The following ZSWIM5 variants were observed in gnomAD, a reference collection of about 807,000 sequenced individuals.
ZSWIM5 encodes zinc finger SWIM domain-containing protein 5.
In ZSWIM5, 55 loss-of-function variants were observed where a neutral mutation model predicts 119.6. The observed-to-expected ratio is 0.46, with a 90% CI of 0.37 to 0.58. The LOEUF (loss-of-function observed/expected upper bound fraction) is 0.58. ZSWIM5 is among the 20% of genes least tolerant of loss of function. The pLI is 0.00. For synonymous variants in ZSWIM5, 537 were observed against 606.9 expected (o/e 0.88, Z 1.69); for missense variants, 1,193 against 1,512.8 (o/e 0.79, Z 3.51).
At chr1:45,194,394 G>T (rs947761212) in intron 1 of ZSWIM5, among the ~76,000 whole-genome samples, 18 of 152,086 alleles carry the variant, frequency 1.2e-4, no homozygotes, top group Non-Finnish European at 2.4e-4. Flanking sequence ...AACAAAAAAG[G>T]TAAGGATTAT....
chr1:45,114,462 G>A (rs7550194), intron 1 of ZSWIM5, among the ~76,000 whole-genome samples: 3,126 of 152,180 alleles, frequency 0.021, 114 homozygotes, highest in African/African-American at 0.072. Flanking sequence ...TTTAATAACA[G>A]AGCTTCAAAA....
chr1:45,173,556 C>G (rs1301118843), intron 1 of ZSWIM5, among the ~76,000 whole-genome samples: 1 of 151,964 alleles, frequency 6.6e-6, no homozygotes, highest in African/African-American at 2.4e-5. Flanking sequence ...CATAACTGAA[C>G]AGTGATTAAG....
intron 11 of ZSWIM5, among the ~76,000 whole-genome samples, chr1:45,028,584 C>G (rs895673868): frequency 2.6e-5 from 4 of 151,834 alleles, no homozygotes; most frequent in African/African-American, 9.7e-5. Flanking sequence ...GGCAAAACCC[C>G]ATCTCTACTA....
At position 45,035,794 on chromosome 1, in the gene ZSWIM5, T is replaced by C; in HGVS notation, c.2185A>G (p.Ile729Val). 1 of 1,613,452 alleles carries C rather than the reference T, an allele frequency of 6.2e-7. No homozygotes were observed. The highest frequency in any genetic ancestry group is 8.5e-7 in the Non-Finnish European group (1 of 1,179,916). ...TGCATGGGAACACTCTCTCGGTGGA[T>C]GACTTCTCCCAGACCGCTGAAAGGA... ...GGPFSGLGEV[I>V]HRESVPMHTF... The change falls in exon 10 of 14, where the codon ATC (isoleucine) becomes GTC (valine). Residue 729 changes from isoleucine (I) to valine (V), a missense_variant. By Grantham distance (29) the Ile-to-Val change is conservative (BLOSUM62 3). Transcript: ENST00000359600.
chr1:45,040,840 G>A (rs190799128), intron 6 of ZSWIM5, among the ~76,000 whole-genome samples: 197 of 152,246 alleles, frequency 1.3e-3, no homozygotes, highest in Non-Finnish European at 2.3e-3. Flanking sequence ...AACCAATGGA[G>A]GTAGCAACTA....
chr1:45,084,307 A>C (rs929779581), intron 2 of ZSWIM5, among the ~76,000 whole-genome samples: 1 of 152,158 alleles, frequency 6.6e-6, no homozygotes, highest in South Asian at 2.1e-4. Flanking sequence ...ACCTCCCATC[A>C]GGCCCTTCTC....
intron 1 of ZSWIM5, among the ~76,000 whole-genome samples, chr1:45,168,993 AAAGT>A (rs1348494078): frequency 6.6e-6 from 1 of 152,114 alleles, no homozygotes; most frequent in Non-Finnish European, 1.5e-5. Flanking sequence ...TCTGCTTTAC[AAAGT>A]AATACCCAAA....
At chr1:45,126,443 A>G (rs1645622621) in intron 1 of ZSWIM5, among the ~76,000 whole-genome samples, 2 of 152,172 alleles carry the variant, frequency 1.3e-5, no homozygotes, top group African/African-American at 4.8e-5. Context: ...AAAAGAAAAA[A>G]AACCAATTCC....
At chr1:45,050,939 A>G in intron 5 of ZSWIM5, 135 bp downstream of exon 5, 1 of 881,638 alleles carries the variant, frequency 1.1e-6, no homozygotes, top group East Asian at 2.7e-5. Flanking sequence ...CAAGATGAAT[A>G]AAAACACAGG....
At chr1:45,034,645 T>A (rs187806580) in intron 10 of ZSWIM5, among the ~76,000 whole-genome samples, 176 bp from the exon 11 acceptor site, 79 of 152,304 alleles carry the variant, frequency 5.2e-4, no homozygotes, top group African/African-American at 1.7e-3. Context: ...GCCTGGGCAC[T>A]TAAGAGTACT....
At chr1:45,066,210 G>A (rs1645182817) in intron 2 of ZSWIM5, among the ~76,000 whole-genome samples, 1 of 151,428 alleles carries the variant, frequency 6.6e-6, no homozygotes, top group Non-Finnish European at 1.5e-5. Context: ...TTTTATGGCT[G>A]TATAGTATTC....
chr1:45,121,226 C>T (rs901996478), intron 1 of ZSWIM5, among the ~76,000 whole-genome samples: 1 of 152,250 alleles, frequency 6.6e-6, no homozygotes, highest in Non-Finnish European at 1.5e-5. Flanking sequence ...GTTCGGATTA[C>T]AGGCGTGAGC....
chr1:45,192,595 T>A (rs1010531752), intron 1 of ZSWIM5, among the ~76,000 whole-genome samples: 6 of 152,212 alleles, frequency 3.9e-5, no homozygotes, highest in African/African-American at 1.4e-4. Context: ...TTCTGCCTAT[T>A]GTGAATAATG....
At chr1:45,183,351 G>A (rs1174383014) in intron 1 of ZSWIM5, among the ~76,000 whole-genome samples, 1 of 151,654 alleles carries the variant, frequency 6.6e-6, no homozygotes, top group African/African-American at 2.4e-5. Flanking sequence ...AGAAAAGCAA[G>A]AGCAAACACA....
intron 7 of ZSWIM5, among the ~76,000 whole-genome samples, chr1:45,039,343 T>G (rs1299656505): frequency 1.3e-5 from 2 of 152,238 alleles, no homozygotes; most frequent in Non-Finnish European, 2.9e-5. Flanking sequence ...GTCTTCTGAA[T>G]AGTTGGGACT....
chr1:45,070,320 A>T, intron 2 of ZSWIM5: 1 of 1,418,344 alleles, frequency 7.1e-7, no homozygotes, highest in Non-Finnish European at 1.0e-6. Context: ...AGACGCCACC[A>T]CCAGAGCATA....
chr1:45,070,481 C>T, intron 2 of ZSWIM5: 1 of 924,386 alleles, frequency 1.1e-6, no homozygotes, highest in Admixed American at 2.7e-5. Flanking sequence ...TCCAACAATT[C>T]TATTGAGTTT....
At chr1:45,022,011 G>T in intron 11 of ZSWIM5, among the ~76,000 whole-genome samples, 1 of 85,116 alleles carries the variant, frequency 1.2e-5, no homozygotes. Flanking sequence ...GACACAGTGA[G>T]ACTCCGTCTC....
intron 1 of ZSWIM5, among the ~76,000 whole-genome samples, chr1:45,126,935 C>T (rs745358539): frequency 1.3e-5 from 2 of 152,086 alleles, no homozygotes; most frequent in Non-Finnish European, 2.9e-5. Flanking sequence ...AACTCCTGGG[C>T]TCAAGCAATG....
Sources: gnomAD v4.1 joint callset for allele counts (sites outside exome capture counted in the v4.1 genomes callset) on GRCh38, gnomAD v4.1.1 for gene constraint, MANE v1.5 for transcripts, NCBI Gene and HGNC (gene_info 2026-07-23, HGNC 2026-07-21) for gene names.